STK10: variants seen among roughly 807,000 people sequenced by gnomAD.
The protein encoded by STK10 is serine/threonine kinase 10, also known as serine/threonine-protein kinase 10.
Under a neutral mutation model 113.8 loss-of-function variants are expected in STK10, and 78 were observed. The ratio of observed to expected loss-of-function variants is 0.69; its 90% CI spans 0.57 to 0.83. The LOEUF (loss-of-function observed/expected upper bound fraction) is 0.83. STK10 is among the 40% of genes least tolerant of loss of function. The pLI, the probability that STK10 is intolerant of heterozygous loss-of-function variation, is 0.00. For missense variants in STK10, 1,109 were observed against 1,280.1 expected (o/e 0.87, Z 2.04); for synonymous variants, 465 against 494.7 (o/e 0.94, Z 0.80).
chr5:172,134,433 C>T (rs756675351), intron 2 of STK10, among the ~76,000 whole-genome samples: 5 of 152,028 alleles, frequency 3.3e-5, no homozygotes, highest in Non-Finnish European at 7.4e-5. Flanking sequence ...AAAAATATTT[C>T]CATATCCTCC....
At chr5:172,142,205 C>T (rs1366300813) in intron 2 of STK10, among the ~76,000 whole-genome samples, 1 of 152,162 alleles carries the variant, frequency 6.6e-6, no homozygotes, top group Non-Finnish European at 1.5e-5. Context: ...CCAGTGTCCA[C>T]TTAGAGTTGC....
At position 172,064,775 on chromosome 5, in the gene STK10, C is replaced by T. The variant is rs747053750; in HGVS notation, c.2027G>A (p.Arg676Gln). ...NEVEKLPRQQRKESMKQKMEE... is the reference protein window; with the variant it reads ...NEVEKLPRQQQKESMKQKMEE... ...CATCTTCTGCTTCATGCTTTCCTTC[C>T]GCTGCTGTCGGGGGAGCTTCTCCAC... is the stretch of plus-strand genomic sequence containing the variant. The change falls in exon 13 of 19, where the codon CGG becomes CAG. Residue 676 changes from arginine to glutamine, a missense_variant. Transcript: ENST00000176763. 1.2e-5 allele frequency: 19 copies of T among 1,614,032 alleles called. No individual in the cohort carries two copies. The highest frequency in any genetic ancestry group is 8.0e-5 in the African/African-American group (6 of 74,914).
chr5:172,098,213 T>C (rs968229421), intron 7 of STK10, among the ~76,000 whole-genome samples: 2 of 152,198 alleles, frequency 1.3e-5, no homozygotes, highest in East Asian at 1.9e-4. Flanking sequence ...TCACAAATCA[T>C]TCTTATCTGT....
At chr5:172,066,079 A>T (rs1448504504) in intron 12 of STK10, among the ~76,000 whole-genome samples, 1 of 152,136 alleles carries the variant, frequency 6.6e-6, no homozygotes, top group African/African-American at 2.4e-5. Flanking sequence ...ACCTGCATTG[A>T]CAGAGGGCTC....
At chr5:172,116,186 T>G (rs992270787) in intron 4 of STK10, among the ~76,000 whole-genome samples, 1 of 152,220 alleles carries the variant, frequency 6.6e-6, no homozygotes, top group Non-Finnish European at 1.5e-5. Flanking sequence ...GTTCAAGCGA[T>G]TCTCCTGTCT....
At position 172,124,705 on chromosome 5, in the gene STK10, T is replaced by A. The variant is rs367606278; in HGVS notation, c.370+2668A>T. On this transcript the variant is annotated intron_variant, in intron 3 of 18. Transcript: ENST00000176763. ...AATACCATAATCCCAAATATTGAAA[T>A]CCCCAAAGATCAAAATCCCTAAAGT... Among the ~76,000 whole-genome samples, 52 of 152,118 alleles carry A rather than the reference T, an allele frequency of 3.4e-4. No homozygotes were observed. In the South Asian group the frequency reaches 0.01, roughly 30 times the overall value.
At chr5:172,146,869 C>A (rs762409863) in intron 2 of STK10, among the ~76,000 whole-genome samples, 1 of 152,234 alleles carries the variant, frequency 6.6e-6, no homozygotes, top group Non-Finnish European at 1.5e-5. Context: ...AGGCAGTGGA[C>A]ACCAGCTGTG....
rs780599251 is a variant in STK10 at position 172,085,410 on chromosome 5, C to T, written c.1686-2326G>A. ...ATCCATTAAAAATTGCTATGTAGGC[C>T]GGGCGCGGTGGCTCACACCTGTAAT... On this transcript the variant is annotated intron_variant, in intron 10 of 18. Coordinates refer to ENST00000176763, the MANE Select transcript of STK10 (RefSeq NM_005990.4). 2.6e-5 allele frequency among the ~76,000 whole-genome samples: 4 copies of T among 152,004 alleles called. No individual in the cohort carries two copies. In the East Asian group the frequency reaches 5.8e-4, roughly 22 times the overall value.
intron 1 of STK10, among the ~76,000 whole-genome samples, chr5:172,157,789 C>A (rs993231559): frequency 3.3e-5 from 5 of 152,020 alleles, no homozygotes; most frequent in African/African-American, 1.2e-4. Flanking sequence ...CAGGGTTTCA[C>A]CACATTGGCT....
At chr5:172,105,884 G>A (rs1436739170) in intron 6 of STK10, 147 bp from the exon 7 acceptor site, 11 of 673,662 alleles carry the variant, frequency 1.6e-5, no homozygotes, top group Admixed American at 9.8e-5. Flanking sequence ...CCTACACGAC[G>A]CCCTTTTCAT....
rs369183164 is a variant in STK10 at position 172,185,226 on chromosome 5, T to C, written c.156+2661A>G. On this transcript the variant is annotated intron_variant, in intron 1 of 18. Transcript: ENST00000176763. ...TGCGGGGAAGGGGACAAGAATGCAA[T>C]TGAAAGCCCCTAACGGAGAAAAAAA... Among the ~76,000 whole-genome samples, 48 of 152,084 alleles carry C rather than the reference T, an allele frequency of 3.2e-4. No individual in the cohort carries two copies. In the East Asian group the frequency reaches 7.2e-3, roughly 23 times the overall value.
chr5:172,124,832 A>G (rs1228015921), intron 3 of STK10, among the ~76,000 whole-genome samples: 1 of 152,046 alleles, frequency 6.6e-6, no homozygotes, highest in African/African-American at 2.4e-5. Flanking sequence ...CCTGTAATAC[A>G]CTTGGTCATA....
rs147983495 is a variant in STK10, at chr5:172,060,353, G to A, written c.2212+786C>T. On this transcript the variant is annotated intron_variant, in intron 14 of 18. Transcript: ENST00000176763. ...GCCTCAGAGGCAGAGGTCACAATGA[G>A]CCATGACTGTGCCACTGCACTCCAG... Among the ~76,000 whole-genome samples the A allele has an allele frequency of 5.1e-3, 784 of 152,316 alleles. 7 individuals are homozygous for A. Among genetic ancestry groups the A allele is most frequent in the African/African-American group, 0.016 (664 of 41,572 alleles).
intron 1 of STK10, among the ~76,000 whole-genome samples, chr5:172,170,528 T>C (rs1213670308): frequency 1.3e-5 from 2 of 152,188 alleles, no homozygotes; most frequent in African/African-American, 4.8e-5. Flanking sequence ...GACGTGGCTT[T>C]CAAAGACGTG....
intron 2 of STK10, among the ~76,000 whole-genome samples, chr5:172,143,238 T>C (rs764573080): frequency 1.3e-5 from 2 of 152,118 alleles, no homozygotes; most frequent in Non-Finnish European, 1.5e-5. Flanking sequence ...TGGTGGCACA[T>C]GTCTATAATC....
At chr5:172,106,988 A>G in intron 5 of STK10, 174 bp from the exon 6 acceptor site, 1 of 577,384 alleles carries the variant, frequency 1.7e-6, no homozygotes, top group Non-Finnish European at 2.8e-6. Context: ...TCCACAGAAA[A>G]ACGCCTCCAC....
intron 2 of STK10, among the ~76,000 whole-genome samples, chr5:172,152,698 C>A (rs935562964): frequency 2.0e-5 from 3 of 152,186 alleles, no homozygotes; most frequent in Admixed American, 2.0e-4. Flanking sequence ...AATGTTGGAA[C>A]AACTTGGGTG....
At chr5:172,129,892 C>T (rs1769711450) in intron 2 of STK10, among the ~76,000 whole-genome samples, 1 of 152,186 alleles carries the variant, frequency 6.6e-6, no homozygotes, top group African/African-American at 2.4e-5. Context: ...CAGGCCTTGA[C>T]ACGTGCCTGG....
chr5:172,096,151 C>T (rs1308623977), intron 8 of STK10, among the ~76,000 whole-genome samples: 5 of 152,168 alleles, frequency 3.3e-5, no homozygotes, highest in African/African-American at 1.2e-4. Flanking sequence ...AATCAGTTAC[C>T]AACTTTTAAA....
Sources: gnomAD v4.1 joint callset for allele counts (sites outside exome capture counted in the v4.1 genomes callset) on GRCh38, gnomAD v4.1.1 for gene constraint, MANE v1.5 for transcripts, NCBI Gene and HGNC (gene_info 2026-07-23, HGNC 2026-07-21) for gene names.